TBC1D4: variants seen among roughly 807,000 people sequenced by gnomAD.
The protein encoded by TBC1D4 is TBC1 domain family member 4.
A neutral mutation model predicts 142.5 loss-of-function variants in TBC1D4; 121 were observed. The ratio of observed to expected loss-of-function variants is 0.85; its 90% confidence interval spans 0.73 to 0.99. The LOEUF is 0.99. Among genes scored for constraint, TBC1D4 ranks in the 50% least tolerant of loss-of-function variants. TBC1D4 has a pLI of 0.00. For missense variants in TBC1D4, 1,475 were observed against 1,606.6 expected (o/e 0.92, Z 1.40); for synonymous variants, 630 against 628.2 (o/e 1.00, Z -0.04).
chr13:75,287,161 A>G (rs972482276), intron 20 of TBC1D4, 136 bp from the exon 21 acceptor site: 36 of 759,670 alleles, frequency 4.7e-5, no homozygotes, highest in Non-Finnish European at 7.6e-5. Flanking sequence ...ACCTACAGGA[A>G]ACGATGATTT....
intron 1 of TBC1D4, among the ~76,000 whole-genome samples, chr13:75,383,633 CTTATTA>C (rs925039678): frequency 3.3e-5 from 5 of 151,944 alleles, no homozygotes; most frequent in African/African-American, 7.3e-5. Flanking sequence ...ATTGTTCTGT[CTTATTA>C]TTATTGTTGC....
chr13:75,299,242 C>T (rs1876261815), intron 17 of TBC1D4, 88 bp downstream of exon 17: 7 of 1,598,402 alleles, frequency 4.4e-6, no homozygotes, highest in Admixed American at 1.7e-5. Flanking sequence ...CTCTACATTT[C>T]TTTAAATCTG....
chr13:75,436,426 C>A (rs887817730), intron 1 of TBC1D4, among the ~76,000 whole-genome samples: 4 of 152,086 alleles, frequency 2.6e-5, no homozygotes, highest in Non-Finnish European at 5.9e-5. Flanking sequence ...GAGGCCAAGG[C>A]AGCCAGATCA....
chr13:75,287,470 A>C (rs888349059), intron 20 of TBC1D4, among the ~76,000 whole-genome samples: 1 of 152,202 alleles, frequency 6.6e-6, no homozygotes, highest in African/African-American at 2.4e-5. Context: ...CAAGTAACTG[A>C]TGATGACTAC....
chr13:75,299,304 T>A, intron 17 of TBC1D4, 26 bp downstream of exon 17: 1 of 1,613,492 alleles, frequency 6.2e-7, no homozygotes, highest in Non-Finnish European at 8.5e-7. Flanking sequence ...GTCTCACACC[T>A]TCCTCGGGAA....
At chr13:75,333,522 C>T (rs1321085008) in intron 8 of TBC1D4, among the ~76,000 whole-genome samples, 1 of 152,064 alleles carries the variant, frequency 6.6e-6, no homozygotes, top group Non-Finnish European at 1.5e-5. Context: ...GTTATAAGTA[C>T]AGTACAAAAA....
At chr13:75,422,458 A>T (rs755268518) in intron 1 of TBC1D4, among the ~76,000 whole-genome samples, 1 of 152,236 alleles carries the variant, frequency 6.6e-6, no homozygotes, top group Non-Finnish European at 1.5e-5. Context: ...AAAGTCGTTA[A>T]CTATGCAAAT....
At chr13:75,347,222 C>T (rs1881221832) in intron 5 of TBC1D4, among the ~76,000 whole-genome samples, 1 of 152,170 alleles carries the variant, frequency 6.6e-6, no homozygotes, top group South Asian at 2.1e-4. Flanking sequence ...TTGTTGTTTC[C>T]ATTTTCATTT....
At chr13:75,390,348 C>A (rs898348337) in intron 1 of TBC1D4, among the ~76,000 whole-genome samples, 3 of 150,992 alleles carry the variant, frequency 2.0e-5, no homozygotes, top group Admixed American at 6.6e-5. Flanking sequence ...ACAGTCAGGT[C>A]TCAATGGTCA....
chr13:75,332,723 A>G (rs1879856958), intron 8 of TBC1D4, among the ~76,000 whole-genome samples: 1 of 152,186 alleles, frequency 6.6e-6, no homozygotes, highest in Non-Finnish European at 1.5e-5. Context: ...TCTCCTAGAT[A>G]CTCTTTTCTG....
rs1566478645 is a variant in TBC1D4, at chr13:75,421,876, T to TTTC, written c.499-59270_499-59269insGAA. Among the ~76,000 whole-genome samples the TTTC allele has an allele frequency of 4.6e-5, 7 of 152,156 alleles. No homozygotes were observed. The East Asian group carries it at 5.8e-4, about 13-fold the overall frequency. ...CTGATACTGAGATGAAGCAATCCCT[T>TTTC]ATTTCATCAAATGTTCCACAAATCC... On this transcript the variant is annotated intron_variant, in intron 1 of 20. Transcript: ENST00000377636.
chr13:75,449,860 T>C (rs1222213554), intron 1 of TBC1D4, among the ~76,000 whole-genome samples: 2 of 152,090 alleles, frequency 1.3e-5, no homozygotes, highest in Non-Finnish European at 2.9e-5. Context: ...GCTGGGATTA[T>C]AGGCATGAGG....
intron 1 of TBC1D4, among the ~76,000 whole-genome samples, chr13:75,416,396 C>T (rs1477689019): frequency 1.3e-5 from 2 of 152,164 alleles, no homozygotes; most frequent in Admixed American, 1.3e-4. Flanking sequence ...ATTTTGCAAA[C>T]CGTTTATTCA....
rs1374373197 is a variant in TBC1D4, at chr13:75,285,323, A to G, written c.*1469T>C. ...ACTCTATAATACATTTTCACTGTGTATAACAAACTCCCTTTGAAGAAAATT... is the reference window on the plus strand; with the variant it reads ...ACTCTATAATACATTTTCACTGTGTGTAACAAACTCCCTTTGAAGAAAATT... On this transcript the variant is annotated 3_prime_UTR_variant, in exon 21 of 21. Transcript: ENST00000377636. 1 of 152,206 alleles carries G rather than the reference A, an allele frequency of 6.6e-6. No individual in the cohort carries two copies. Among genetic ancestry groups the G allele is most frequent in the African/African-American group, 2.4e-5 (1 of 41,462 alleles). The allele number at this position is 152,206 out of a possible 1,614,324, so 9.4% of individuals were successfully genotyped here.
chr13:75,362,106 G>C lies in TBC1D4; in HGVS notation c.1000C>G (p.Gln334Glu). The C allele has an allele frequency of 6.2e-7, 1 of 1,614,020 alleles. No individual in the cohort carries two copies. The highest frequency in any genetic ancestry group is 8.5e-7 in the Non-Finnish European group (1 of 1,180,036). The stretch of plus-strand genomic sequence containing the variant: ...GCGCTCGCGTGTCTCCGTCGCGGCT[G>C]GGATTTCTGGCTGCCCTCGTGAACT... The part of the protein sequence containing the change: ...RRVHEGSQKS[Q>E]PRRRHASAPS... Residue 334 changes from glutamine (Q) to glutamate (E), a missense_variant, in exon 2 of 21, where the codon CAG (glutamine) becomes GAG (glutamate). Gln to Glu is a conservative substitution (Grantham distance 29). This residue lies in a region of TBC1D4 where 1,227 missense variants were observed against 1,267.7 expected (regional missense o/e 0.97). Transcript: ENST00000377636. This position sits in a 1 kb window ranked among gnomAD's most constrained non-coding sequence, Gnocchi z 4.2.
chr13:75,294,743 G>C (rs1875712684), intron 18 of TBC1D4, 111 bp downstream of exon 18: 12 of 1,138,854 alleles, frequency 1.1e-5, no homozygotes, highest in Non-Finnish European at 1.5e-5. Context: ...TTAGCAATTT[G>C]CTATTCTGTA....
chr13:75,311,370 G>C (rs987437057), intron 13 of TBC1D4, among the ~76,000 whole-genome samples: 1 of 152,064 alleles, frequency 6.6e-6, no homozygotes, highest in Non-Finnish European at 1.5e-5. Flanking sequence ...TGACCACCTC[G>C]GGCAGAGTTA....
chr13:75,379,676 T>C (rs1369999340), intron 1 of TBC1D4, among the ~76,000 whole-genome samples: 4 of 152,110 alleles, frequency 2.6e-5, no homozygotes, highest in African/African-American at 9.7e-5. Context: ...TCATGGTTAA[T>C]TGACATTAGA....
At chr13:75,480,943 G>A (rs1035866287) in intron 1 of TBC1D4, among the ~76,000 whole-genome samples, 1 of 150,786 alleles carries the variant, frequency 6.6e-6, no homozygotes, top group African/African-American at 2.5e-5. Flanking sequence ...CCCAGACACC[G>A]CCGTCCTCCC....
Sources: gnomAD v4.1 joint callset for allele counts (sites outside exome capture counted in the v4.1 genomes callset) on GRCh38, gnomAD v4.1.1 for gene constraint, gnomAD v4.1.1 regional missense constraint, Gnocchi (gnomAD v3.1) non-coding constraint, MANE v1.5 for transcripts, NCBI Gene and HGNC (gene_info 2026-07-23, HGNC 2026-07-21) for gene names.